The following CREM variants were observed in gnomAD, a reference collection of about 807,000 sequenced individuals.
The protein encoded by CREM is cAMP responsive element modulator.
Under a neutral mutation model 37.3 loss-of-function variants are expected in CREM, and 13 were observed. The ratio of observed to expected loss-of-function variants is 0.35; its 90% CI spans 0.23 to 0.55. The LOEUF (loss-of-function observed/expected upper bound fraction) is 0.55, where lower values mean the gene tolerates loss of function less well. Among genes scored for constraint, CREM ranks in the 20% least tolerant of loss-of-function variants. The pLI is 0.88. For synonymous variants in CREM, 124 were observed against 120.2 expected (o/e 1.03, Z -0.21); for missense variants, 296 against 362.3 (o/e 0.82, Z 1.49).
chr10:35,147,076 A>G (rs1478713713), intron 2 of CREM, among the ~76,000 whole-genome samples: 2 of 115,800 alleles, frequency 1.7e-5, no homozygotes, highest in African/African-American at 3.5e-5. Context: ...TTTAAGACGG[A>G]GTCTCGCTCT....
At chr10:35,180,865 T>G (rs1480647880) in intron 5 of CREM, among the ~76,000 whole-genome samples, 1 of 152,228 alleles carries the variant, frequency 6.6e-6, no homozygotes, top group Non-Finnish European at 1.5e-5. Flanking sequence ...TGGTCAGCCC[T>G]GGCCTTGAGC....
rs1223096856 is a variant in CREM at position 35,196,982 on chromosome 10, G to A, written c.598+8594G>A. Among the ~76,000 whole-genome samples, 4 of 145,668 alleles carry A rather than the reference G, an allele frequency of 2.7e-5. No individual in the cohort carries two copies. In the East Asian group the frequency reaches 8.2e-4, roughly 30 times the overall value. On this transcript the variant is annotated intron_variant, in intron 6 of 7. Coordinates refer to ENST00000685392, the MANE Select transcript of CREM (RefSeq NM_183011.2). ...CCTCCCAGGTTCACGCCATTCTCCT[G>A]CCTCAGCCTCCTAAGTAGCTGGGAC...
intron 3 of CREM, among the ~76,000 whole-genome samples, chr10:35,168,481 G>A (rs1357143797): frequency 6.6e-6 from 1 of 152,116 alleles, no homozygotes; most frequent in African/African-American, 2.4e-5. Context: ...TGAGTTCATT[G>A]TAGATTCTGG....
chr10:35,179,017 T>TA (rs761281142), intron 4 of CREM, 31 bp downstream of exon 4: 21 of 1,570,292 alleles, frequency 1.3e-5, no homozygotes, highest in Non-Finnish European at 1.6e-5. Context: ...AATGTAAAGA[T>TA]ACTTTTTCCA....
rs150588700 is a variant in CREM, at chr10:35,203,973, A to G, written c.599-2922A>G. Among the ~76,000 whole-genome samples the G allele has an allele frequency of 3.4e-3, 525 of 152,258 alleles. 1 individual carries two copies. The highest frequency in any genetic ancestry group is 0.012 in the African/African-American group (483 of 41,564). On this transcript the variant is annotated intron_variant, in intron 6 of 7. Transcript: ENST00000685392. The stretch of plus-strand genomic sequence containing the variant: ...GTAAACTTCTCATTCGTCACTGGCT[A>G]TTGTTCCAATTTTAGAAGACCTAGG...
rs2095400785 is a variant in CREM at position 35,202,083 on chromosome 10, ATATCT to A, written c.599-4808_599-4804del. 2.6e-5 allele frequency among the ~76,000 whole-genome samples: 4 copies of A among 152,334 alleles called. No individual in the cohort carries two copies. The South Asian group carries it at 6.2e-4, about 24-fold the overall frequency. On this transcript the variant is annotated intron_variant, in intron 6 of 7. Coordinates refer to ENST00000685392, the MANE Select transcript of CREM (RefSeq NM_183011.2). ...TCCTGAGAATAAAGTTAGTGTACAA[ATATCT>A]TATAATCTTTCTTCAATCATGATTG... is the stretch of plus-strand genomic sequence containing the variant.
At chr10:35,184,533 C>T (rs1281689648) in intron 5 of CREM, among the ~76,000 whole-genome samples, 1 of 152,084 alleles carries the variant, frequency 6.6e-6, no homozygotes, top group Non-Finnish European at 1.5e-5. Context: ...ATCAAGAGCA[C>T]CTTTGGCATA....
intron 6 of CREM, among the ~76,000 whole-genome samples, chr10:35,204,289 T>C (rs1233499629): frequency 6.6e-6 from 1 of 152,220 alleles, no homozygotes; most frequent in Non-Finnish European, 1.5e-5. Flanking sequence ...CCCAAGTTTA[T>C]TCATATGCTG....
chr10:35,187,899 C>T (rs879601663), intron 5 of CREM, among the ~76,000 whole-genome samples: 1 of 152,214 alleles, frequency 6.6e-6, no homozygotes, highest in South Asian at 2.1e-4. Context: ...CTCCCTGTCT[C>T]CTTCTCCACT....
chr10:35,131,006 G>T (rs2089268375), intron 1 of CREM, among the ~76,000 whole-genome samples: 1 of 152,140 alleles, frequency 6.6e-6, no homozygotes, highest in South Asian at 2.1e-4. Context: ...ATAAGTAGAG[G>T]AAATGCATAG....
chr10:35,148,639 G>A (rs2135982013), intron 3 of CREM, 148 bp downstream of exon 3: 2 of 865,094 alleles, frequency 2.3e-6, no homozygotes, highest in East Asian at 2.9e-5. Flanking sequence ...GAAAAGATAC[G>A]TGTTGTAATT....
chr10:35,142,130 TATTTC>T (rs778801956), intron 2 of CREM, among the ~76,000 whole-genome samples: 2 of 152,138 alleles, frequency 1.3e-5, no homozygotes, highest in Non-Finnish European at 2.9e-5. Context: ...TTCTTTCAAA[TATTTC>T]AGCAGTGAGA....
intron 6 of CREM, among the ~76,000 whole-genome samples, chr10:35,194,950 G>T (rs559479569): frequency 2.0e-5 from 3 of 152,052 alleles, no homozygotes; most frequent in Admixed American, 1.3e-4. Flanking sequence ...ACCTCAAACA[G>T]ATTTCTATGT....
intron 5 of CREM, among the ~76,000 whole-genome samples, chr10:35,184,033 G>A (rs904746689): frequency 3.9e-5 from 6 of 152,140 alleles, no homozygotes; most frequent in Admixed American, 2.0e-4. Context: ...GAGATCACAC[G>A]ATTGCACTTC....
chr10:35,158,981 A>AT (rs964326698), intron 3 of CREM, among the ~76,000 whole-genome samples: 4 of 151,460 alleles, frequency 2.6e-5, no homozygotes, highest in Admixed American at 6.6e-5. Context: ...AACAAAACCA[A>AT]TTTTTTTTGA....
intron 6 of CREM, among the ~76,000 whole-genome samples, chr10:35,205,723 T>C (rs189411826): frequency 1.3e-5 from 2 of 151,742 alleles, no homozygotes; most frequent in Admixed American, 6.6e-5. Flanking sequence ...CTTTGCGAGG[T>C]TGAGGCAGGC....
intron 5 of CREM, among the ~76,000 whole-genome samples, chr10:35,187,453 T>C (rs370377686): frequency 6.9e-6 from 1 of 145,776 alleles, no homozygotes; most frequent in African/African-American, 2.5e-5. Flanking sequence ...AGAGGCGGGG[T>C]TTCACCATAT....
chr10:35,131,028 A>G (rs904872045), intron 1 of CREM, among the ~76,000 whole-genome samples: 2 of 152,210 alleles, frequency 1.3e-5, no homozygotes, highest in African/African-American at 4.8e-5. Context: ...CTATAAAACT[A>G]TATGGTAGTT....
chr10:35,136,312 C>T (rs1236319792), intron 1 of CREM, among the ~76,000 whole-genome samples: 2 of 152,176 alleles, frequency 1.3e-5, no homozygotes, highest in Non-Finnish European at 2.9e-5. Context: ...TATCTGCCCC[C>T]GCCTTTAGAT....
Sources: gnomAD v4.1 joint callset for allele counts (sites outside exome capture counted in the v4.1 genomes callset) on GRCh38, gnomAD v4.1.1 for gene constraint, MANE v1.5 for transcripts, NCBI Gene and HGNC (gene_info 2026-07-23, HGNC 2026-07-21) for gene names.